Variants in DYNAP observed in about 807,000 individuals in gnomAD.
The protein encoded by DYNAP is dynactin-associated protein.
In DYNAP, 7 loss-of-function variants were observed where a neutral mutation model predicts 8.5. The ratio of observed to expected loss-of-function variants is 0.82; its 90% CI spans 0.47 to 1.54. The LOEUF (loss-of-function observed/expected upper bound fraction) is 1.54. Ranked by LOEUF, DYNAP falls within the 40% of genes most tolerant of loss-of-function variation. The pLI is 0.01. For synonymous variants in DYNAP, 77 were observed against 77.9 expected (o/e 0.99, Z 0.06); for missense variants, 256 against 224.3 (o/e 1.14, Z -0.90).
chr18:54,579,081 G>A, the DYNAP span, among the ~76,000 whole-genome samples: 1 of 152,106 alleles, frequency 6.6e-6, no homozygotes, highest in Non-Finnish European at 1.5e-5. Flanking sequence ...TTACAGGTGT[G>A]AGCCACCGCG....
upstream of DYNAP, among the ~76,000 whole-genome samples, chr18:54,585,640 T>A (rs1394155686): frequency 6.6e-6 from 1 of 152,192 alleles, no homozygotes; most frequent in Non-Finnish European, 1.5e-5. Flanking sequence ...TTCCTAATAT[T>A]TTGAACACTG....
upstream of DYNAP, among the ~76,000 whole-genome samples, chr18:54,588,747 T>C (rs1221766792): frequency 5.9e-5 from 9 of 152,208 alleles, no homozygotes; most frequent in Non-Finnish European, 1.3e-4. Flanking sequence ...CTCAGCTTTG[T>C]AAAAAATACA....
chr18:54,597,296 C>G (rs1273698006), intron 2 of DYNAP, among the ~76,000 whole-genome samples: 2 of 151,988 alleles, frequency 1.3e-5, no homozygotes, highest in Admixed American at 1.3e-4. Context: ...TGAGACTGCT[C>G]TGCATGATAC....
upstream of DYNAP, among the ~76,000 whole-genome samples, chr18:54,584,252 CAA>C (rs1010686822): frequency 4.1e-5 from 6 of 147,872 alleles, no homozygotes; most frequent in African/African-American, 1.2e-4. Flanking sequence ...ATATTTAAAA[CAA>C]ATATTTATTT....
rs186094990 is a variant in DYNAP at position 54,592,698 on chromosome 18, C to G, written c.57+1359C>G. ...TGCTAATGCTGGTTAACATTATTTA[C>G]AGCTCTTCAACTCTTCCAGTTTTGA... On this transcript the variant is annotated intron_variant, in intron 1 of 2. Coordinates refer to ENST00000648945, the MANE Select transcript of DYNAP (RefSeq NM_173629.3). 1.1e-3 allele frequency among the ~76,000 whole-genome samples: 167 copies of G among 152,238 alleles called. 3 individuals carry two copies. The South Asian group carries it at 0.03, about 27-fold the overall frequency.
At chr18:54,579,963 A>C in the DYNAP span, among the ~76,000 whole-genome samples, 1 of 152,150 alleles carries the variant, frequency 6.6e-6, no homozygotes, top group African/African-American at 2.4e-5. Context: ...ATTTTGATGT[A>C]ATGAGGTCAA....
the DYNAP span, among the ~76,000 whole-genome samples, chr18:54,576,267 G>C: frequency 6.6e-6 from 1 of 152,096 alleles, no homozygotes; most frequent in Non-Finnish European, 1.5e-5. Context: ...TCTAGGAGTG[G>C]AATTGCTAGG....
chr18:54,598,131 A>G lies in DYNAP; in HGVS notation c.541A>G (p.Thr181Ala), dbSNP rs370863733. 2.5e-6 allele frequency: 4 copies of G among 1,607,960 alleles called. No individual in the cohort carries two copies. The highest frequency in any genetic ancestry group is 1.1e-5 in the South Asian group (1 of 90,252). Residue 181 changes from threonine (T) to alanine (A), a missense_variant, in exon 3 of 3, where the codon ACC becomes GCC. Coordinates refer to ENST00000648945, the MANE Select transcript of DYNAP (RefSeq NM_173629.3). ...TSTEPITVAP[T>A]DHL The stretch of plus-strand genomic sequence containing the variant: ...CACAGAACCTATAACTGTTGCACCT[A>G]CCGATCATTTATAATTTGAACAGCC...
At chr18:54,584,259 T>TTATTTAA (rs1222350310), upstream of DYNAP, among the ~76,000 whole-genome samples, 1 of 147,444 alleles carries the variant, frequency 6.8e-6, no homozygotes, top group South Asian at 2.1e-4. Flanking sequence ...AAACAAATAT[T>TTATTTAA]TATTTAATAT....
chr18:54,585,095 A>G (rs1165814931), upstream of DYNAP, among the ~76,000 whole-genome samples: 1 of 152,146 alleles, frequency 6.6e-6, no homozygotes, highest in East Asian at 1.9e-4. Flanking sequence ...GGACCATCAT[A>G]TGTGGTCCTC....
intron 1 of DYNAP, 109 bp downstream of exon 1, chr18:54,591,448 G>T (rs955949403): frequency 7.6e-6 from 10 of 1,307,776 alleles, no homozygotes; most frequent in Non-Finnish European, 1.0e-5. Context: ...TCATAATTTT[G>T]CATTCTTCTC....
At chr18:54,590,363 A>G (rs893950361), upstream of DYNAP, among the ~76,000 whole-genome samples, 3 of 151,848 alleles carry the variant, frequency 2.0e-5, no homozygotes, top group Non-Finnish European at 4.4e-5. Context: ...CTTTAGAACA[A>G]TTTTTTTTCC....
At chr18:54,595,435 T>C (rs1911247611) in intron 2 of DYNAP, among the ~76,000 whole-genome samples, 1 of 152,094 alleles carries the variant, frequency 6.6e-6, no homozygotes, top group Non-Finnish European at 1.5e-5. Context: ...ATGTTGGCAA[T>C]ATTAGGGTTT....
At position 54,598,189 on chromosome 18, in the gene DYNAP, TA is replaced by T; in HGVS notation, c.*45del. 6.4e-7 allele frequency: 1 copy of T among 1,557,774 alleles called. No individual in the cohort carries two copies. Among genetic ancestry groups the T allele is most frequent in the Non-Finnish European group, 8.7e-7 (1 of 1,148,166 alleles). On this transcript the variant is annotated 3_prime_UTR_variant, in exon 3 of 3. Coordinates refer to ENST00000648945, the MANE Select transcript of DYNAP (RefSeq NM_173629.3). ...TCACTTCAACTGAAACTTCAACCTC[TA>T]CCACTTCAACTCAGTTTGCAACTAT...
At chr18:54,594,558 A>G (rs1271241786) in intron 1 of DYNAP, among the ~76,000 whole-genome samples, 1 of 152,000 alleles carries the variant, frequency 6.6e-6, no homozygotes, top group Non-Finnish European at 1.5e-5. Context: ...TCACTTCAAT[A>G]TTTTCATTTC....
At chr18:54,588,004 C>T (rs1293834008), upstream of DYNAP, 2 of 392,096 alleles carry the variant, frequency 5.1e-6, no homozygotes, top group Non-Finnish European at 9.0e-6. Context: ...ATACAAAAAG[C>T]TAAAAGAGAA....
At chr18:54,589,096 A>C (rs1910976023), upstream of DYNAP, among the ~76,000 whole-genome samples, 1 of 152,188 alleles carries the variant, frequency 6.6e-6, no homozygotes, top group Non-Finnish European at 1.5e-5. Context: ...GCATATCAAA[A>C]TTTCAGGTAA....
upstream of DYNAP, among the ~76,000 whole-genome samples, chr18:54,588,135 G>A (rs1167607765): frequency 6.6e-6 from 1 of 151,948 alleles, no homozygotes; most frequent in Non-Finnish European, 1.5e-5. Flanking sequence ...TGTCTTGGTT[G>A]CTACTAATTT....
At chr18:54,596,729 T>G (rs1911305781) in intron 2 of DYNAP, among the ~76,000 whole-genome samples, 2 of 152,080 alleles carry the variant, frequency 1.3e-5, no homozygotes, top group African/African-American at 4.8e-5. Flanking sequence ...CTTTTTAAGT[T>G]TGTGTGATGC....
Sources: allele counts gnomAD v4.1 joint callset (sites outside exome capture counted in the v4.1 genomes callset), GRCh38; gene constraint gnomAD v4.1.1; transcripts MANE v1.5; gene names NCBI Gene and HGNC (gene_info 2026-07-23, HGNC 2026-07-21).